Variants in HBP1 observed in about 807,000 individuals in gnomAD.
The protein encoded by HBP1 is HMG box-containing protein 1.
Under a neutral mutation model 62.6 loss-of-function variants are expected in HBP1, and 20 were observed. That is an observed-to-expected ratio of 0.32 (90% CI 0.22 to 0.46). The LOEUF is 0.46. Ranked by LOEUF, HBP1 falls within the 20% of genes least tolerant of loss-of-function variation. The pLI is 1.00. For synonymous variants in HBP1, 232 were observed against 206.2 expected (o/e 1.12, Z -1.07); for missense variants, 480 against 611.8 (o/e 0.78, Z 2.27).
intron 1 of HBP1, chr7:107,173,353 T>C (rs1427149830): frequency 6.6e-6 from 1 of 152,202 alleles, no homozygotes; most frequent in Non-Finnish European, 1.5e-5. Flanking sequence ...CTGCTGTGGA[T>C]TCCATGATGA....
chr7:107,197,244 A>G (rs1019925562), intron 9 of HBP1: 3 of 152,214 alleles, frequency 2.0e-5, no homozygotes, highest in African/African-American at 4.8e-5. Context: ...CTGAGGATCA[A>G]AACTACCATT....
rs1410457137 is a variant in HBP1 at position 107,200,261 on chromosome 7, G to A, written c.1487G>A (p.Arg496His). 1.2e-6 allele frequency: 2 copies of A among 1,613,230 alleles called. No individual in the cohort carries two copies. The highest frequency in any genetic ancestry group is 1.7e-6 in the Non-Finnish European group (2 of 1,179,470). ...AAGGCTTTGGCTGAAGAACAGAAAC[G>A]TTTAAATCCTGACTGTTGGAAGAGG... ...EAKALAEEQKRLNPDCWKRKR... is the reference protein window; with the variant it reads ...EAKALAEEQKHLNPDCWKRKR... Residue 496 changes from arginine (R) to histidine (H), a missense_variant, in exon 10 of 11, where the codon CGT (arginine) becomes CAT (histidine). Arg to His is a conservative substitution (Grantham distance 29, BLOSUM62 0). This residue lies in a region of HBP1 where 52 missense variants were observed against 96.0 expected (regional missense o/e 0.54). Coordinates refer to ENST00000222574, the MANE Select transcript of HBP1 (RefSeq NM_012257.4).
intron 9 of HBP1, among the ~76,000 whole-genome samples, chr7:107,198,168 T>C (rs1160778925): frequency 6.6e-6 from 1 of 152,178 alleles, no homozygotes; most frequent in East Asian, 1.9e-4. Flanking sequence ...CTGATCTTTT[T>C]ATAGGATCTC....
rs201048018 is a variant in HBP1, at chr7:107,195,815, A to G, written c.1068-19A>G. On this transcript the variant is annotated intron_variant, in intron 8 of 10. Transcript: ENST00000222574. The stretch of plus-strand genomic sequence containing the variant: ...TTCAAAATTGAATTAAAATATTATT[A>G]TTTTTTTTAATTTTATAGCTATGAC... The G allele has an allele frequency of 7.9e-6, 9 of 1,133,978 alleles. No individual in the cohort carries two copies. The Admixed American group carries it at 1.6e-4, about 20-fold the overall frequency. 70.2% of individuals were successfully genotyped at this position (1,133,978 alleles called of 1,614,324 possible).
Position 107,189,354 on chromosome 7 carries a change from T to G in HBP1, c.828T>G (p.Ser276=), listed in dbSNP as rs546469598. The stretch of plus-strand genomic sequence containing the variant: ...AAGAAAGTGTATCATTTGGCGAGTC[T>G]GTACTGAAGTTGACTTTTGATCCTG... The part of the protein sequence containing the change: ...SHEESVSFGE[S]VLKLTFDPGT... The change falls in exon 7 of 11, where the codon TCT becomes TCG. Residue 276 remains serine (S), a synonymous_variant. Coordinates refer to ENST00000222574, the MANE Select transcript of HBP1 (RefSeq NM_012257.4). 2 of 1,612,634 alleles carry G rather than the reference T, an allele frequency of 1.2e-6. No individual in the cohort carries two copies. Among genetic ancestry groups the G allele is most frequent in the Admixed American group, 1.7e-5 (1 of 60,012 alleles).
Position 107,189,396 on chromosome 7 carries a change from T to C in HBP1, c.870T>C (p.Gly290=). Residue 290 remains glycine, a synonymous_variant, in exon 7 of 11, where the codon GGT becomes GGC. Transcript: ENST00000222574. The part of the protein sequence containing the change: ...LTFDPGTVED[G]LLTVECKLDH... Reference sequence around the variant, plus strand: ...TTGATCCTGGTACAGTAGAAGATGGTTTACTTACCGTAGAGTGTAAGCTGG... The same window carrying C: ...TTGATCCTGGTACAGTAGAAGATGGCTTACTTACCGTAGAGTGTAAGCTGG... The C allele has an allele frequency of 6.2e-7, 1 of 1,612,730 alleles. No homozygotes were observed. The highest frequency in any genetic ancestry group is 8.5e-7 in the Non-Finnish European group (1 of 1,178,790).
intron 6 of HBP1, 92 bp from the exon 7 acceptor site, chr7:107,189,200 A>T (rs1584494008): frequency 9.3e-7 from 1 of 1,080,798 alleles, no homozygotes; most frequent in Non-Finnish European, 1.3e-6. Context: ...GGTTATTTTT[A>T]CCTTTTCCAC....
At chr7:107,174,690 G>T (rs1796750871) in intron 1 of HBP1, 1 of 984,586 alleles carries the variant, frequency 1.0e-6, no homozygotes, top group Non-Finnish European at 1.2e-6. Context: ...CATACACAGA[G>T]GATAGCTCTG....
rs777632913 is a variant in HBP1 at position 107,182,322 on chromosome 7, T to C, written c.170-51T>C. 3.1e-6 allele frequency: 3 copies of C among 973,132 alleles called. No individual in the cohort carries two copies. The East Asian group carries it at 7.2e-5, about 23-fold the overall frequency. 60.3% of individuals were successfully genotyped at this position (973,132 alleles called of 1,614,324 possible). A position where few individuals can be genotyped will look rare whatever the true frequency, so the allele number is the denominator to read the frequency against. On this transcript the variant is annotated intron_variant, in intron 2 of 10. Transcript: ENST00000222574. The stretch of plus-strand genomic sequence containing the variant: ...CTTTTAACTGCAGTTATAATATTGT[T>C]CCTTGTATTAGTAATTTCCTTTTTA...
chr7:107,200,626 AC>A (rs756516300), intron 10 of HBP1: 1 of 178,204 alleles, frequency 5.6e-6, no homozygotes, highest in Non-Finnish European at 1.2e-5. Context: ...CATTAATATC[AC>A]AGTAGAAAAT....
chr7:107,170,588 T>C (rs970191597), intron 1 of HBP1, among the ~76,000 whole-genome samples: 7 of 152,176 alleles, frequency 4.6e-5, no homozygotes, highest in African/African-American at 1.7e-4. Flanking sequence ...CCTAAAGTTT[T>C]TGGGTTATGT....
intron 9 of HBP1, among the ~76,000 whole-genome samples, chr7:107,199,538 A>AAATC (rs1562902929): frequency 6.6e-6 from 1 of 152,242 alleles, no homozygotes; most frequent in Admixed American, 6.5e-5. Context: ...GTCAGTATAA[A>AAATC]AATCACTTGA....
chr7:107,176,151 G>C (rs1268386371), intron 1 of HBP1, among the ~76,000 whole-genome samples: 2 of 151,710 alleles, frequency 1.3e-5, no homozygotes, highest in Admixed American at 1.3e-4. Context: ...TCAGGTTGCT[G>C]AGTAGGTTGG....
chr7:107,171,572 A>G (rs1796597904), intron 1 of HBP1, among the ~76,000 whole-genome samples: 1 of 152,106 alleles, frequency 6.6e-6, no homozygotes, highest in Admixed American at 6.5e-5. Context: ...ATTATCCATT[A>G]GAAGTTACTA....
In HBP1 at chr7:107,189,458, G is replaced by T. The variant is rs1051343510; in HGVS notation, c.922+10G>T. On this transcript the variant is annotated intron_variant, in intron 7 of 10. Coordinates refer to ENST00000222574, the MANE Select transcript of HBP1 (RefSeq NM_012257.4). ...TATGTTAAAAATAAAGGTAGGGCTT[G>T]AATTGCATTTGTAGTAACTTTTTTT... The T allele has an allele frequency of 6.3e-7, 1 of 1,589,518 alleles. No homozygotes were observed. Among genetic ancestry groups the T allele is most frequent in the East Asian group, 2.3e-5 (1 of 44,272 alleles).
intron 4 of HBP1, 65 bp downstream of exon 4, chr7:107,186,007 C>T: frequency 1.7e-6 from 2 of 1,208,534 alleles, no homozygotes; most frequent in Non-Finnish European, 2.4e-6. Flanking sequence ...CATTAACATT[C>T]CTCATAGGAA....
At chr7:107,189,263 A>G (rs776566110) in intron 6 of HBP1, 29 bp from the exon 7 acceptor site, 17 of 1,586,218 alleles carry the variant, frequency 1.1e-5, no homozygotes, top group South Asian at 4.5e-5. Context: ...AACATTTCCA[A>G]TTCATTCACG....
chr7:107,171,073 A>ATATTTTTTTTTTTTTTTTTTTT, intron 1 of HBP1, among the ~76,000 whole-genome samples: 3 of 87,192 alleles, frequency 3.4e-5, no homozygotes, highest in African/African-American at 2.0e-4. Flanking sequence ...ATATATATAT[A>ATATTTTTTTTTTTTTTTTTTTT]TTTTTTTTTT....
intron 9 of HBP1, chr7:107,197,152 G>A (rs1022301997): frequency 2.6e-5 from 4 of 152,108 alleles, no homozygotes; most frequent in Admixed American, 6.5e-5. Context: ...ACTCATCTCC[G>A]AGTCCTCTAC....
Sources: allele counts gnomAD v4.1 joint callset (sites outside exome capture counted in the v4.1 genomes callset), GRCh38; gene constraint gnomAD v4.1.1; regional missense constraint gnomAD v4.1.1; transcripts MANE v1.5; gene names NCBI Gene and HGNC (gene_info 2026-07-23, HGNC 2026-07-21).